The following XKR6 variants were observed in gnomAD, a reference collection of about 807,000 sequenced individuals.
XKR6 encodes XK-related protein 6.
Under a neutral mutation model 56.7 loss-of-function variants are expected in XKR6, and 22 were observed. The ratio of observed to expected loss-of-function variants is 0.39; its 90% CI spans 0.28 to 0.55. The LOEUF (loss-of-function observed/expected upper bound fraction) is 0.55, where lower values mean the gene tolerates loss of function less well. XKR6 is among the 20% of genes least tolerant of loss of function. The probability of loss-of-function intolerance (pLI) is 0.66; values close to 1 mark genes in which losing one functional copy is unlikely to be tolerated. For missense variants in XKR6, 852 were observed against 889.0 expected (o/e 0.96, Z 0.53); for synonymous variants, 524 against 387.8 (o/e 1.35, Z -4.13).
intron 1 of XKR6, among the ~76,000 whole-genome samples, chr8:11,114,727 ATG>A (rs58011023): frequency 0.079 from 9,312 of 118,118 alleles, 324 homozygotes; most frequent in Admixed American, 0.12. Flanking sequence ...TAGATCACAT[ATG>A]TGTGTGTGTG....
intron 1 of XKR6, among the ~76,000 whole-genome samples, chr8:11,012,226 G>T (rs1798516387): frequency 6.6e-6 from 1 of 152,176 alleles, no homozygotes; most frequent in African/African-American, 2.4e-5. Context: ...GCCAGCATGG[G>T]GACAGAAGGG....
At chr8:11,155,955 G>C (rs914930115) in intron 1 of XKR6, among the ~76,000 whole-genome samples, 1 of 152,204 alleles carries the variant, frequency 6.6e-6, no homozygotes, top group African/African-American at 2.4e-5. Context: ...CCTATTCTGT[G>C]TGAACTCAAC....
At chr8:11,002,065 T>TA (rs541621602) in intron 1 of XKR6, among the ~76,000 whole-genome samples, 23,360 of 126,860 alleles carry the variant, frequency 0.18, 2,536 homozygotes, top group African/African-American at 0.36. Context: ...CCATGTGAGT[T>TA]AAAAAAAAAA....
At chr8:11,085,388 G>A (rs1035088486) in intron 1 of XKR6, among the ~76,000 whole-genome samples, 4 of 152,190 alleles carry the variant, frequency 2.6e-5, no homozygotes, top group Non-Finnish European at 5.9e-5. Context: ...CCTCCTGCAG[G>A]GGACCTAGCC....
At chr8:11,184,388 T>TACAAACACACACACACACAC (rs940341331) in intron 1 of XKR6, among the ~76,000 whole-genome samples, 4 of 146,156 alleles carry the variant, frequency 2.7e-5, no homozygotes, top group Admixed American at 1.4e-4. Flanking sequence ...TATACACACA[T>TACAAACACACACACACACAC]ACACACACAC....
chr8:11,095,174 A>T (rs1185677419), intron 1 of XKR6, among the ~76,000 whole-genome samples: 1 of 152,230 alleles, frequency 6.6e-6, no homozygotes, highest in African/African-American at 2.4e-5. Flanking sequence ...GTAGCGTTCA[A>T]GTTTGTGCAA....
intron 1 of XKR6, among the ~76,000 whole-genome samples, chr8:10,959,636 C>T (rs1161978968): frequency 6.6e-6 from 1 of 152,074 alleles, no homozygotes. Context: ...TGCTGAGGCC[C>T]CACCTTCATG....
chr8:11,118,149 T>C (rs1315619723), intron 1 of XKR6, among the ~76,000 whole-genome samples: 3 of 152,296 alleles, frequency 2.0e-5, no homozygotes, highest in East Asian at 3.9e-4. Context: ...TACGAGGACA[T>C]TGTTTATAAC....
At chr8:11,101,291 T>C (rs1361576359) in intron 1 of XKR6, among the ~76,000 whole-genome samples, 1 of 152,194 alleles carries the variant, frequency 6.6e-6, no homozygotes, top group Non-Finnish European at 1.5e-5. Context: ...ACTGCTGGAC[T>C]TCCAGCAAGA....
At chr8:11,195,151 C>T (rs1295365107) in intron 1 of XKR6, 3 of 703,224 alleles carry the variant, frequency 4.3e-6, no homozygotes, top group Middle Eastern at 2.3e-4. Context: ...AGGGAAGAAA[C>T]CAGGTGAGGC....
intron 1 of XKR6, among the ~76,000 whole-genome samples, chr8:10,988,335 G>A (rs773546669): frequency 6.6e-6 from 1 of 152,236 alleles, no homozygotes; most frequent in African/African-American, 2.4e-5. Flanking sequence ...CAATGAATGA[G>A]TAGGTGAATT....
chr8:10,997,630 A>C (rs1798144007), intron 1 of XKR6, among the ~76,000 whole-genome samples: 1 of 152,216 alleles, frequency 6.6e-6, no homozygotes, highest in Non-Finnish European at 1.5e-5. Flanking sequence ...TAGAGTCATG[A>C]GCCTCTGCAG....
chr8:11,113,433 T>A lies in XKR6; in HGVS notation c.764+87143A>T, dbSNP rs576585644. Among the ~76,000 whole-genome samples, 6 of 152,294 alleles carry A rather than the reference T, an allele frequency of 3.9e-5. No homozygotes were observed. In the South Asian group the frequency reaches 1.2e-3, roughly 32 times the overall value. The stretch of plus-strand genomic sequence containing the variant: ...TGTAAAAAGAAGCCACTGTATTATC[T>A]TCAACCAAAAAATATATTTGAACAT... On this transcript the variant is annotated intron_variant, in intron 1 of 2. Transcript: ENST00000416569.
intron 2 of XKR6, among the ~76,000 whole-genome samples, chr8:10,923,573 G>A (rs77535185): frequency 1.3e-5 from 2 of 152,246 alleles, no homozygotes; most frequent in Admixed American, 6.5e-5. Flanking sequence ...TACCTAGGGG[G>A]ATTGGAGCCT....
At chr8:10,916,736 C>T (rs749422734) in intron 2 of XKR6, among the ~76,000 whole-genome samples, 8 of 152,186 alleles carry the variant, frequency 5.3e-5, no homozygotes, top group Non-Finnish European at 7.3e-5. Context: ...AAGTGCTTGC[C>T]GGGTTGCAGC....
intron 1 of XKR6, among the ~76,000 whole-genome samples, chr8:10,950,099 G>A (rs919778629): frequency 6.6e-6 from 1 of 152,188 alleles, no homozygotes; most frequent in African/African-American, 2.4e-5. Flanking sequence ...CAGGATGGAT[G>A]GAAGCAGGGG....
At chr8:10,980,572 C>T (rs1025854748) in intron 1 of XKR6, among the ~76,000 whole-genome samples, 1 of 152,138 alleles carries the variant, frequency 6.6e-6, no homozygotes, top group Admixed American at 6.6e-5. Flanking sequence ...ATTTTAATAC[C>T]TATCTATTAT....
chr8:11,154,163 T>G (rs949945590), intron 1 of XKR6, among the ~76,000 whole-genome samples: 1 of 152,046 alleles, frequency 6.6e-6, no homozygotes, highest in Admixed American at 6.6e-5. Flanking sequence ...TAGGGTAGGG[T>G]TGGCCATATG....
At chr8:10,939,396 C>T (rs1378646670) in intron 1 of XKR6, among the ~76,000 whole-genome samples, 8 of 152,152 alleles carry the variant, frequency 5.3e-5, no homozygotes, top group Admixed American at 2.6e-4. Flanking sequence ...CTGACCTGCT[C>T]GAGGAACAAA....
Sources: allele counts gnomAD v4.1 joint callset (sites outside exome capture counted in the v4.1 genomes callset), GRCh38; gene constraint gnomAD v4.1.1; transcripts MANE v1.5; gene names NCBI Gene and HGNC (gene_info 2026-07-23, HGNC 2026-07-21).